The following FAM227A variants were observed in gnomAD, a reference collection of about 807,000 sequenced individuals.
FAM227A encodes the protein family with sequence similarity 227 member A, also known as protein FAM227A.
Under a neutral mutation model 74.7 loss-of-function variants are expected in FAM227A, and 80 were observed. The observed-to-expected ratio is 1.07, with a 90% CI of 0.89 to 1.29. FAM227A has a LOEUF of 1.29. FAM227A is among the 50% of genes most tolerant of loss of function. FAM227A has a pLI of 0.00. For synonymous variants in FAM227A, 237 were observed against 241.8 expected (o/e 0.98, Z 0.19); for missense variants, 654 against 683.4 (o/e 0.96, Z 0.48).
At chr22:38,654,705 C>A (rs541359502) in intron 1 of FAM227A, among the ~76,000 whole-genome samples, 47 of 141,310 alleles carry the variant, frequency 3.3e-4, no homozygotes, top group Middle Eastern at 8.7e-3. Flanking sequence ...CCGAGGCAGG[C>A]GGATCATGAG....
intron 9 of FAM227A, among the ~76,000 whole-genome samples, chr22:38,624,883 C>T (rs112121562): frequency 1.5e-4 from 22 of 151,552 alleles, no homozygotes; most frequent in South Asian, 6.3e-4. Context: ...TAAATCATAG[C>T]GAGACTACAC....
At position 38,580,055 on chromosome 22, in the gene FAM227A, G is replaced by C. The variant is rs1418168481; in HGVS notation, c.*6070C>G. 6.6e-6 allele frequency: 1 copy of C among 151,978 alleles called. No individual in the cohort carries two copies. The highest frequency in any genetic ancestry group is 1.5e-5 in the Non-Finnish European group (1 of 68,062). 9.4% of individuals were successfully genotyped at this position (151,978 alleles called of 1,614,324 possible). A position where few individuals can be genotyped will look rare whatever the true frequency, so the allele number is the denominator to read the frequency against. Reference sequence around the variant, plus strand: ...CCCACGTCAGCCTCCCAAGTAGCTAGGACTACAGGCGTATGCCACCTTGCT... The same window carrying C: ...CCCACGTCAGCCTCCCAAGTAGCTACGACTACAGGCGTATGCCACCTTGCT... On this transcript the variant is annotated 3_prime_UTR_variant, in exon 17 of 17. Coordinates refer to ENST00000535113, the MANE Select transcript of FAM227A (RefSeq NM_001013647.2).
In FAM227A at chr22:38,586,016, C is replaced by T. The variant is rs1470800817; in HGVS notation, c.*109G>A. 3 of 1,543,612 alleles carry T rather than the reference C, an allele frequency of 1.9e-6. No individual in the cohort carries two copies. The highest frequency in any genetic ancestry group is 2.4e-5 in the South Asian group (2 of 82,986). On this transcript the variant is annotated 3_prime_UTR_variant, in exon 17 of 17. Coordinates refer to ENST00000535113, the MANE Select transcript of FAM227A (RefSeq NM_001013647.2). ...TTCCCCTATGGAGAAATCATGATTC[C>T]TATTTCTGTCTTTGGCCACAATTTT...
chr22:38,582,521 C>A lies in FAM227A; in HGVS notation c.*3604G>T. Reference sequence around the variant, plus strand: ...TCTACCCCGCTTCCCTTATAAAGGGCAAATAATTCTTCCCCATAATTTTCC... The same window carrying A: ...TCTACCCCGCTTCCCTTATAAAGGGAAAATAATTCTTCCCCATAATTTTCC... On this transcript the variant is annotated 3_prime_UTR_variant, in exon 17 of 17. Transcript: ENST00000535113. 2 of 1,133,220 alleles carry A rather than the reference C, an allele frequency of 1.8e-6. No homozygotes were observed. Among genetic ancestry groups the A allele is most frequent in the Non-Finnish European group, 2.5e-6 (2 of 801,746 alleles). 70.2% of individuals were successfully genotyped at this position (1,133,220 alleles called of 1,614,324 possible).
rs756136366 is a variant in FAM227A at position 38,580,866 on chromosome 22, C to T, written c.*5259G>A. On this transcript the variant is annotated 3_prime_UTR_variant, in exon 17 of 17. Transcript: ENST00000535113. ...CGATCTCAGCTCACTGTAACCTCCGCCTCCCAAGTTCAAGTGATTCTTGTG... is the reference window on the plus strand; with the variant it reads ...CGATCTCAGCTCACTGTAACCTCCGTCTCCCAAGTTCAAGTGATTCTTGTG... 1.3e-5 allele frequency: 2 copies of T among 152,248 alleles called. No homozygotes were observed. The highest frequency in any genetic ancestry group is 2.9e-5 in the Non-Finnish European group (2 of 68,072). The allele number at this position is 152,248 out of a possible 1,614,324, so 9.4% of individuals were successfully genotyped here. A position where few individuals can be genotyped will look rare whatever the true frequency, so the allele number is the denominator to read the frequency against.
intron 14 of FAM227A, among the ~76,000 whole-genome samples, chr22:38,598,056 A>AAAAAAAG (rs1267062728): frequency 3.3e-5 from 5 of 151,610 alleles, no homozygotes; most frequent in Admixed American, 6.6e-5. Flanking sequence ...AAAAAAAAAA[A>AAAAAAAG]AAAAGAAAAT....
intron 10 of FAM227A, among the ~76,000 whole-genome samples, chr22:38,621,143 C>A (rs1229557563): frequency 1.3e-5 from 2 of 151,880 alleles, no homozygotes; most frequent in South Asian, 2.1e-4. Context: ...TTGAGACCAG[C>A]CTGGGCAACA....
chr22:38,586,257 A>G (rs1569183038), intron 16 of FAM227A, 58 bp from the exon 17 acceptor site: 6 of 1,535,550 alleles, frequency 3.9e-6, no homozygotes, highest in South Asian at 3.6e-5. Flanking sequence ...TAATTTCTTC[A>G]AAGACTTTGC....
At chr22:38,611,644 C>A (rs1176198657) in intron 11 of FAM227A, among the ~76,000 whole-genome samples, 3 of 152,074 alleles carry the variant, frequency 2.0e-5, no homozygotes, top group African/African-American at 7.2e-5. Context: ...ATAGGTGCAT[C>A]ACTTAGATGG....
chr22:38,586,222 A>G (rs891480153), intron 16 of FAM227A, 23 bp from the exon 17 acceptor site: 12 of 1,547,880 alleles, frequency 7.8e-6, no homozygotes, highest in Non-Finnish European at 9.6e-6. Flanking sequence ...CAAACGAACA[A>G]AAACAAAAAT....
At position 38,583,096 on chromosome 22, in the gene FAM227A, G is replaced by C; in HGVS notation, c.*3029C>G. The C allele has an allele frequency of 1.2e-6, 1 of 850,770 alleles. No homozygotes were observed. Among genetic ancestry groups the C allele is most frequent in the Non-Finnish European group, 1.8e-6 (1 of 550,912 alleles). The allele number at this position is 850,770 out of a possible 1,614,324, so 52.7% of individuals were successfully genotyped here. Reference sequence around the variant, plus strand: ...GGGGTAGTAAAGGGAAGGTGAGAGAGTGTTCTGCTTATCTGCCCCACATGG... The same window carrying C: ...GGGGTAGTAAAGGGAAGGTGAGAGACTGTTCTGCTTATCTGCCCCACATGG... On this transcript the variant is annotated 3_prime_UTR_variant, in exon 17 of 17. Coordinates refer to ENST00000535113, the MANE Select transcript of FAM227A (RefSeq NM_001013647.2).
chr22:38,599,966 TAC>T (rs1429698912), intron 13 of FAM227A, 45 bp from the exon 14 acceptor site: 4 of 1,496,098 alleles, frequency 2.7e-6, no homozygotes, highest in East Asian at 5.0e-5. Context: ...TTGTCATTTT[TAC>T]AGTCTGTATT....
chr22:38,582,721 G>A lies in FAM227A; in HGVS notation c.*3404C>T. 2 of 1,155,916 alleles carry A rather than the reference G, an allele frequency of 1.7e-6. No individual in the cohort carries two copies. The highest frequency in any genetic ancestry group is 2.4e-6 in the Non-Finnish European group (2 of 818,302). The allele number at this position is 1,155,916 out of a possible 1,614,324, so 71.6% of individuals were successfully genotyped here. On this transcript the variant is annotated 3_prime_UTR_variant, in exon 17 of 17. Transcript: ENST00000535113. ...AGTTTGTCCTGGGCTTAGAAAATAA[G>A]GAGACCTTCTTGCTGTATGGGGGCT... is the stretch of plus-strand genomic sequence containing the variant.
chr22:38,619,139 G>A (rs2091634723), intron 11 of FAM227A, among the ~76,000 whole-genome samples: 1 of 152,114 alleles, frequency 6.6e-6, no homozygotes, highest in East Asian at 1.9e-4. Context: ...TACAGAAAGG[G>A]AGTGTGGTAT....
Position 38,638,748 on chromosome 22 carries a change from T to G in FAM227A, c.370A>C (p.Arg124=), listed in dbSNP as rs1269816671. The G allele has an allele frequency of 1.3e-6, 2 of 1,548,000 alleles. No homozygotes were observed. The highest frequency in any genetic ancestry group is 1.7e-6 in the Non-Finnish European group (2 of 1,144,204). Residue 124 remains arginine, a splice_region_variant and synonymous_variant, in exon 5 of 17, where the codon AGG becomes CGG. Coordinates refer to ENST00000535113, the MANE Select transcript of FAM227A (RefSeq NM_001013647.2). ...LRHARSSVIK[R]KTADKNLLAE... ...AGACACAGCAGTAGATCCCTTACCCTTTTTATAACAGAAGATCTGGCATGT... is the reference window on the plus strand; with the variant it reads ...AGACACAGCAGTAGATCCCTTACCCGTTTTATAACAGAAGATCTGGCATGT...
At chr22:38,629,117 C>T (rs900520484) in intron 6 of FAM227A, 182 bp from the exon 7 acceptor site, 73 of 502,186 alleles carry the variant, frequency 1.5e-4, no homozygotes, top group African/African-American at 1.4e-3. Context: ...ATCATTATCT[C>T]ATAGATGAGG....
At chr22:38,601,823 C>T (rs148020011) in intron 13 of FAM227A, among the ~76,000 whole-genome samples, 47 of 152,170 alleles carry the variant, frequency 3.1e-4, no homozygotes, top group African/African-American at 1.1e-3. Flanking sequence ...ACTTGGGTGT[C>T]AGCTGCTCAG....
At chr22:38,641,831 AC>A (rs1226263062) in intron 3 of FAM227A, among the ~76,000 whole-genome samples, 1 of 152,070 alleles carries the variant, frequency 6.6e-6, no homozygotes, top group Admixed American at 6.6e-5. Context: ...CATTGCCAAA[AC>A]CCAAAATAGC....
At chr22:38,631,939 A>G (rs940503304) in intron 6 of FAM227A, among the ~76,000 whole-genome samples, 1 of 152,174 alleles carries the variant, frequency 6.6e-6, no homozygotes, top group Non-Finnish European at 1.5e-5. Flanking sequence ...TGGTGCCTGA[A>G]CTTGACAGTG....
Sources: allele counts gnomAD v4.1 joint callset (sites outside exome capture counted in the v4.1 genomes callset), GRCh38; gene constraint gnomAD v4.1.1; transcripts MANE v1.5; gene names NCBI Gene and HGNC (gene_info 2026-07-23, HGNC 2026-07-21).